Variants in PQBP1 observed in about 807,000 individuals in gnomAD.
The protein encoded by PQBP1 is polyglutamine-binding protein 1.
PQBP1 carries 3 observed loss-of-function variants against 20.9 expected under a neutral mutation model. That is an observed-to-expected ratio of 0.14 (90% CI 0.07 to 0.37). PQBP1 has a LOEUF of 0.37. Among genes scored for constraint, PQBP1 ranks in the 10% least tolerant of loss-of-function variants. The pLI, the probability that PQBP1 is intolerant of heterozygous loss-of-function variation, is 1.00. For synonymous variants in PQBP1, 83 were observed against 93.8 expected (o/e 0.88, Z 0.67); for missense variants, 162 against 240.3 (o/e 0.67, Z 2.16).
intron 2 of PQBP1, 117 bp from the exon 3 acceptor site, chrX:48,901,072 CA>C: frequency 9.0e-7 from 1 of 1,106,383 alleles, no homozygotes; most frequent in Non-Finnish European, 1.2e-6. Flanking sequence ...GGCACACACA[CA>C]CACGTGTCTT....
At chrX:48,898,194 G>A in intron 1 of PQBP1, 112 bp downstream of exon 1, 1 of 1,019,541 alleles carries the variant, frequency 9.8e-7, no homozygotes, top group Non-Finnish European at 1.3e-6. Flanking sequence ...CGCTGGATGA[G>A]CCCATTTCTG....
rs1255480564 is a variant in PQBP1 at position 48,901,190 on chromosome X, A to C, written c.68A>C (p.Glu23Ala). Residue 23 changes from glutamate to alanine, a missense_variant and splice_region_variant, in exon 3 of 7, where the codon GAA becomes GCA. Transcript: ENST00000447146. ...CCTCATCCCCACCTTGTTCTACCAG[A>C]ACCAGAGGAAGAGATCATTGCCGAG... ...KRGILKHLEP[E>A]PEEEIIAEDY... is the part of the protein sequence containing the mutation. 2.1e-5 allele frequency: 25 copies of C among 1,205,981 alleles called. No homozygotes were observed. The highest frequency in any genetic ancestry group is 2.8e-5 in the Non-Finnish European group (25 of 893,356).
intron 2 of PQBP1, among the ~76,000 whole-genome samples, chrX:48,898,785 CTTTTTTTT>C (rs34214032): frequency 2.3e-4 from 5 of 21,482 alleles, no homozygotes; most frequent in Non-Finnish European, 3.1e-4. Flanking sequence ...ATATTTCATT[CTTTTTTTT>C]TTTTTTTTTT....
chrX:48,901,790 C>A, intron 3 of PQBP1, 140 bp from the exon 4 acceptor site: 1 of 1,082,963 alleles, frequency 9.2e-7, no homozygotes, highest in Non-Finnish European at 1.2e-6. Flanking sequence ...ACAGTGTTTT[C>A]TCTTCAGGAG....
chrX:48,902,913 C>G lies in PQBP1; in HGVS notation c.642-15C>G, dbSNP rs919654718. The stretch of plus-strand genomic sequence containing the variant: ...CACATCACCCATCCCCATCCCCTGA[C>G]TCTTTCACCGGCAGGGGCACGTGGT... On this transcript the variant is annotated splice_polypyrimidine_tract_variant and intron_variant, in intron 6 of 6. Transcript: ENST00000447146. 1 of 1,192,434 alleles carries G rather than the reference C, an allele frequency of 8.4e-7. No homozygotes were observed. Among genetic ancestry groups the G allele is most frequent in the African/African-American group, 1.8e-5 (1 of 56,141 alleles).
In PQBP1 at chrX:48,898,479, C is replaced by A; in HGVS notation, c.-18-13C>A. 1 of 1,201,894 alleles carries A rather than the reference C, an allele frequency of 8.3e-7. No homozygotes were observed. The highest frequency in any genetic ancestry group is 1.1e-6 in the Non-Finnish European group (1 of 886,774). ...TATCTGAGCTGCTTGTCAGTTTGTT[C>A]GTCTGTCCCTAGGTCTGTCTGCTAT... On this transcript the variant is annotated splice_polypyrimidine_tract_variant and intron_variant, in intron 1 of 6. Coordinates refer to ENST00000447146, the MANE Select transcript of PQBP1 (RefSeq NM_001032382.2).
Position 48,902,751 on chromosome X carries a change from A to C in PQBP1, c.597A>C (p.Glu199Asp). ...KSKKAVSRKD[E>D]ELDPMDPSSY... ...CCACAGCAGTAAGCCGAAAGGATGA[A>C]GAGTTAGACCCCATGGACCCTAGCT... Residue 199 changes from glutamate to aspartate, a missense_variant, in exon 6 of 7, where the codon GAA (glutamate) becomes GAC (aspartate). Transcript: ENST00000447146. The C allele has an allele frequency of 8.3e-7, 1 of 1,204,237 alleles. No individual in the cohort carries two copies. Among genetic ancestry groups the C allele is most frequent in the Non-Finnish European group, 1.1e-6 (1 of 891,954 alleles).
rs782360331 is a variant in PQBP1 at position 48,902,038 on chromosome X, T to C, written c.288T>C (p.Asn96=). The change falls in exon 4 of 7, where the codon AAT becomes AAC. Residue 96 remains asparagine (N), a synonymous_variant. Transcript: ENST00000447146. The stretch of plus-strand genomic sequence containing the variant: ...CGGCCAAGAAGCTCAGAAGCAGTAA[T>C]GCAGGTGAGTTGGCAGGTACAAGCG... ...TKSAKKLRSS[N]ADAEEKLDRS... 7 of 1,209,540 alleles carry C rather than the reference T, an allele frequency of 5.8e-6. No homozygotes were observed. The African/African-American group carries it at 1.1e-4, about 18-fold the overall frequency.
chrX:48,902,935 T>C lies in PQBP1; in HGVS notation c.649T>C (p.Trp217Arg), dbSNP rs2063450103. Reference sequence around the variant, plus strand: ...TGACTCTTTCACCGGCAGGGGCACGTGGTCAACAGGACTCCCCAAGCGGAA... The same window carrying C: ...TGACTCTTTCACCGGCAGGGGCACGCGGTCAACAGGACTCCCCAAGCGGAA... ...SSYSDAPRGT[W>R]STGLPKRNEA... Residue 217 changes from tryptophan (W) to arginine (R), a missense_variant, in exon 7 of 7, where the codon TGG (tryptophan) becomes CGG (arginine). Trp to Arg is a moderately radical substitution (Grantham distance 101). Coordinates refer to ENST00000447146, the MANE Select transcript of PQBP1 (RefSeq NM_001032382.2). 1 of 1,197,598 alleles carries C rather than the reference T, an allele frequency of 8.4e-7. No individual in the cohort carries two copies. Among genetic ancestry groups the C allele is most frequent in the Non-Finnish European group, 1.1e-6 (1 of 888,728 alleles).
At position 48,902,940 on chromosome X, in the gene PQBP1, A is replaced by C; in HGVS notation, c.654A>C (p.Ser218=). 4.2e-6 allele frequency: 5 copies of C among 1,199,276 alleles called. No homozygotes were observed. The highest frequency in any genetic ancestry group is 5.6e-6 in the Non-Finnish European group (5 of 889,468). ...CTTTCACCGGCAGGGGCACGTGGTCAACAGGACTCCCCAAGCGGAATGAGG... is the reference window on the plus strand; with the variant it reads ...CTTTCACCGGCAGGGGCACGTGGTCCACAGGACTCCCCAAGCGGAATGAGG... The part of the protein sequence containing the change: ...SYSDAPRGTW[S]TGLPKRNEAK... Residue 218 remains serine, a synonymous_variant, in exon 7 of 7, where the codon TCA becomes TCC. Coordinates refer to ENST00000447146, the MANE Select transcript of PQBP1 (RefSeq NM_001032382.2).
chrX:48,901,878 G>A (rs1438108179), intron 3 of PQBP1, 52 bp from the exon 4 acceptor site: 2 of 1,205,191 alleles, frequency 1.7e-6, no homozygotes, highest in African/African-American at 3.5e-5. Context: ...CAAGAGTTGA[G>A]GATCCAAGGC....
In PQBP1 at chrX:48,898,785, C is replaced by CTTTTTTTTTTT. The variant is rs34214032; in HGVS notation, c.67+238_67+248dup. Among the ~76,000 whole-genome samples, 23 of 21,485 alleles carry CTTTTTTTTTTT rather than the reference C, an allele frequency of 1.1e-3. 6 individuals are homozygous for CTTTTTTTTTTT. The highest frequency in any genetic ancestry group is 1.9e-3 in the East Asian group (1 of 534). 18.7% of individuals were successfully genotyped at this position (21,485 alleles called of 115,157 possible). On this transcript the variant is annotated intron_variant, in intron 2 of 6. Transcript: ENST00000447146. ...GGGTTGGGGGAATAGATATTTCATT[C>CTTTTTTTTTTT]TTTTTTTTTTTTTTTTTTTTTTTTT...
At chrX:48,900,754 CTA>C (rs1557040876) in intron 2 of PQBP1, among the ~76,000 whole-genome samples, 1 of 108,566 alleles carries the variant, frequency 9.2e-6, no homozygotes, top group African/African-American at 3.4e-5. Context: ...AGGGGTCTCA[CTA>C]TGTTGACCAG....
At chrX:48,901,660 G>A (rs2063415768) in intron 3 of PQBP1, 2 of 456,172 alleles carry the variant, frequency 4.4e-6, no homozygotes, top group African/African-American at 4.9e-5. Flanking sequence ...TGTATTTTTT[G>A]TAGAGATGGG....
At chrX:48,898,829 C>CAGAGTCTT (rs1280231358) in intron 2 of PQBP1, among the ~76,000 whole-genome samples, 2 of 31,114 alleles carry the variant, frequency 6.4e-5, no homozygotes, top group Non-Finnish European at 1.0e-4. Flanking sequence ...TTTTTTGAGG[C>CAGAGTCTT]AGAGTCTTAT....
chrX:48,899,540 G>A (rs1212519793), intron 2 of PQBP1, among the ~76,000 whole-genome samples: 6 of 111,223 alleles, frequency 5.4e-5, no homozygotes, highest in African/African-American at 9.8e-5. Flanking sequence ...GCAGTGAGCC[G>A]AGATTGTGCC....
chrX:48,900,767 G>GCTAGTCTCAC (rs1223883394), intron 2 of PQBP1, among the ~76,000 whole-genome samples: 5 of 108,754 alleles, frequency 4.6e-5, no homozygotes, highest in African/African-American at 1.7e-4. Flanking sequence ...TGTTGACCAG[G>GCTAGTCTCAC]CTAGTCTCAC....
intron 3 of PQBP1, 35 bp downstream of exon 3, chrX:48,901,336 T>A: frequency 8.5e-7 from 1 of 1,177,669 alleles, no homozygotes; most frequent in Non-Finnish European, 1.1e-6. Context: ...ACTTCTGGCT[T>A]CACCCTTCCT....
chrX:48,902,331 T>C lies in PQBP1; in HGVS notation c.391T>C (p.Ser131Pro), dbSNP rs782016622. 24 of 1,207,846 alleles carry C rather than the reference T, an allele frequency of 2.0e-5. No individual in the cohort carries two copies. In the South Asian group the frequency reaches 3.5e-4, roughly 18 times the overall value. ...GAAACTAGACAGGGGCCACGACAAG[T>C]CAGACCGGGGCCACGACAAGTCTGA... ...HEKLDRGHDK[S>P]DRGHDKSDRD... is the part of the protein sequence containing the mutation. Residue 131 changes from serine (S) to proline (P), a missense_variant, in exon 5 of 7, where the codon TCA (serine) becomes CCA (proline). Physicochemically the swap from Ser to Pro is moderately conservative, Grantham distance 74. Transcript: ENST00000447146.
Sources: gnomAD v4.1 joint callset for allele counts (sites outside exome capture counted in the v4.1 genomes callset) on GRCh38, gnomAD v4.1.1 for gene constraint, MANE v1.5 for transcripts, NCBI Gene and HGNC (gene_info 2026-07-23, HGNC 2026-07-21) for gene names.